The following WNK1 variants were observed in gnomAD, a reference collection of about 807,000 sequenced individuals.
The protein encoded by WNK1 is serine/threonine-protein kinase WNK1.
Under a neutral mutation model 222.8 loss-of-function variants are expected in WNK1, and 38 were observed. The ratio of observed to expected loss-of-function variants is 0.17; its 90% CI spans 0.13 to 0.22. The LOEUF (loss-of-function observed/expected upper bound fraction) is 0.22. Among genes scored for constraint, WNK1 ranks in the 10% least tolerant of loss-of-function variants. The pLI is 1.00. For missense variants in WNK1, 2,348 were observed against 2,918.4 expected, an observed-to-expected ratio of 0.80 and a Z score of 4.50; for synonymous variants, 1,090 against 1,092.9, an observed-to-expected ratio of 1.00 and a Z score of 0.05.
chr12:851,385 T>C (rs72648648), intron 4 of WNK1: 48 of 1,081,616 alleles, frequency 4.4e-5, no homozygotes, highest in Non-Finnish European at 5.2e-5. Context: ...AGGTGGAGCA[T>C]TGAGCAAGTA....
In WNK1 at chr12:753,168, G is replaced by A. The variant is rs1939449700; in HGVS notation, c.-398G>A. 6.1e-6 allele frequency: 1 copy of A among 164,208 alleles called. No individual in the cohort carries two copies. The highest frequency in any genetic ancestry group is 1.3e-5 in the Non-Finnish European group (1 of 76,100). The allele number at this position is 164,208 out of a possible 1,614,324, so 10.2% of individuals were successfully genotyped here. Reference sequence around the variant, plus strand: ...CCAGCTCGGCGAGCGGCGGCAGTGGGAGCCGCGTCCGCCGCATCCGCCTCG... The same window carrying A: ...CCAGCTCGGCGAGCGGCGGCAGTGGAAGCCGCGTCCGCCGCATCCGCCTCG... On this transcript the variant is annotated 5_prime_UTR_variant, in exon 1 of 28. Coordinates refer to ENST00000315939, the MANE Select transcript of WNK1 (RefSeq NM_018979.4). This position sits in a 1 kb window ranked among gnomAD's most constrained non-coding sequence, Gnocchi z 5.2.
rs965258370 is a variant in WNK1 at position 884,328 on chromosome 12, A to G, written c.3844+85A>G. ...AAGCTTAATCATAAAGCAGTAATTT[A>G]TGATGACACAGATAATAAAAAAGAA... On this transcript the variant is annotated intron_variant, in intron 18 of 27. Coordinates refer to ENST00000315939, the MANE Select transcript of WNK1 (RefSeq NM_018979.4). This position sits in a 1 kb window ranked among gnomAD's most constrained non-coding sequence, Gnocchi z 5.6. 3.2e-6 allele frequency: 5 copies of G among 1,576,202 alleles called. No individual in the cohort carries two copies. Among genetic ancestry groups the G allele is most frequent in the African/African-American group, 2.7e-5 (2 of 74,004 alleles).
intron 8 of WNK1, among the ~76,000 whole-genome samples, chr12:864,479 T>C (rs531097595): frequency 9.2e-5 from 14 of 152,292 alleles, no homozygotes; most frequent in African/African-American, 2.9e-4. Context: ...GTACAAAATA[T>C]TTCCTATATC....
intron 2 of WNK1, among the ~76,000 whole-genome samples, chr12:826,463 A>G (rs1053412834): frequency 2.0e-5 from 3 of 152,216 alleles, no homozygotes; most frequent in African/African-American, 7.2e-5. Flanking sequence ...TGTATTATAA[A>G]GAAGGAAACT....
chr12:807,138 T>G (rs2154001334), intron 1 of WNK1, among the ~76,000 whole-genome samples: 1 of 148,058 alleles, frequency 6.8e-6, no homozygotes, highest in African/African-American at 2.5e-5. Flanking sequence ...GTGTGGGGAG[T>G]GGGTGGGAAG....
intron 8 of WNK1, chr12:868,116 A>G (rs1392609455): frequency 6.2e-7 from 1 of 1,613,882 alleles, no homozygotes; most frequent in Non-Finnish European, 8.5e-7. Context: ...TGGACACCAG[A>G]GGCCGTAGTT....
rs1162765615 is a variant in WNK1 at position 865,231 on chromosome 12, T to TC, written c.2139+2964dup. On this transcript the variant is annotated intron_variant, in intron 8 of 27. Coordinates refer to ENST00000315939, the MANE Select transcript of WNK1 (RefSeq NM_018979.4). ...AGTACTGTCTGCACCTCTTTCTCCT[T>TC]CCCTCCTCCGGACTGCCCCGAGGAA... 7 of 1,535,908 alleles carry TC rather than the reference T, an allele frequency of 4.6e-6. No homozygotes were observed. The highest frequency in any genetic ancestry group is 6.1e-6 in the Non-Finnish European group (7 of 1,146,882).
chr12:779,276 T>A (rs1943433518), intron 1 of WNK1, among the ~76,000 whole-genome samples: 1 of 152,198 alleles, frequency 6.6e-6, no homozygotes, highest in Non-Finnish European at 1.5e-5. Flanking sequence ...AGATTTCGAA[T>A]TCCCTGTTGG....
intron 9 of WNK1, among the ~76,000 whole-genome samples, chr12:872,111 G>T (rs1226710281): frequency 6.6e-6 from 1 of 151,946 alleles, no homozygotes; most frequent in Non-Finnish European, 1.5e-5. Context: ...ATTACTTCAA[G>T]AACATTTATT....
intron 4 of WNK1, among the ~76,000 whole-genome samples, chr12:852,288 C>G (rs1370200005): frequency 6.6e-6 from 1 of 152,040 alleles, no homozygotes; most frequent in Non-Finnish European, 1.5e-5. Context: ...ATATCGGACT[C>G]TCAATGTGCT....
At chr12:825,708 C>T (rs1038051474) in intron 2 of WNK1, among the ~76,000 whole-genome samples, 1 of 152,004 alleles carries the variant, frequency 6.6e-6, no homozygotes, top group Non-Finnish European at 1.5e-5. Context: ...TCAGTAAAGA[C>T]ATAGAAATTA....
Position 850,485 on chromosome 12 carries a change from G to A in WNK1, c.1312-6676G>A, listed in dbSNP as rs1393855062. Among the ~76,000 whole-genome samples the A allele has an allele frequency of 6.6e-5, 10 of 152,220 alleles. No homozygotes were observed. In the East Asian group the frequency reaches 1.7e-3, roughly 26 times the overall value. ...TGGATATTAGCCCTTTGTCAGATGA[G>A]TAGATTGCAAAAATTTTCTCCCATT... On this transcript the variant is annotated intron_variant, in intron 4 of 27. Coordinates refer to ENST00000315939, the MANE Select transcript of WNK1 (RefSeq NM_018979.4).
Position 762,833 on chromosome 12 carries a change from G to T in WNK1, c.759+8509G>T, listed in dbSNP as rs761695503. On this transcript the variant is annotated intron_variant, in intron 1 of 27. Transcript: ENST00000315939. ...GCGATCTCGGCTCACCACAACATTT[G>T]CCTCCTGAGTTCAAGGGATTCTCCT... Among the ~76,000 whole-genome samples, 3 of 145,672 alleles carry T rather than the reference G, an allele frequency of 2.1e-5. 1 individual carries two copies. The highest frequency in any genetic ancestry group is 4.6e-5 in the Non-Finnish European group (3 of 65,370).
intron 26 of WNK1, among the ~76,000 whole-genome samples, chr12:902,095 C>T (rs771790958): frequency 5.3e-5 from 8 of 150,586 alleles, no homozygotes; most frequent in East Asian, 2.0e-4. Flanking sequence ...GCCAGGAGCT[C>T]GAGACCAACC....
chr12:864,110 G>GTTTCTTTTTTTTTTTT (rs1951426188), intron 8 of WNK1, among the ~76,000 whole-genome samples: 1 of 124,578 alleles, frequency 8.0e-6, no homozygotes, highest in African/African-American at 3.0e-5. Flanking sequence ...ATTTTTTTAA[G>GTTTCTTTTTTTTTTTT]TTTTTTTTTT....
At chr12:889,315 C>A in intron 21 of WNK1, 92 bp downstream of exon 21, 2 of 1,076,862 alleles carry the variant, frequency 1.9e-6, no homozygotes, top group Non-Finnish European at 2.9e-6. Context: ...TTATTAATAC[C>A]TTTAACATGT....
intron 1 of WNK1, among the ~76,000 whole-genome samples, chr12:804,885 A>G (rs1199788887): frequency 1.3e-5 from 1 of 78,058 alleles, no homozygotes; most frequent in Non-Finnish European, 2.8e-5. Context: ...ACCATGTGTC[A>G]AAATTTGGTA....
At chr12:877,191 G>A (rs57939606) in intron 9 of WNK1, among the ~76,000 whole-genome samples, 1 of 151,408 alleles carries the variant, frequency 6.6e-6, no homozygotes, top group Non-Finnish European at 1.5e-5. Flanking sequence ...AGCCTCCTGA[G>A]TAGCTGGGAT....
Position 909,961 on chromosome 12 carries a change from G to A in WNK1, c.*1169G>A, listed in dbSNP as rs549160638. 7 of 152,326 alleles carry A rather than the reference G, an allele frequency of 4.6e-5. No individual in the cohort carries two copies. Among genetic ancestry groups the A allele is most frequent in the South Asian group, 2.1e-4 (1 of 4,824 alleles). 9.4% of individuals were successfully genotyped at this position (152,326 alleles called of 1,614,324 possible). On this transcript the variant is annotated 3_prime_UTR_variant, in exon 28 of 28. Transcript: ENST00000315939. ...TCGGGAATAGTGAGGAGGGGGTGTTGTAACAAAATTGGACAACTTAAAAGA... is the reference window on the plus strand; with the variant it reads ...TCGGGAATAGTGAGGAGGGGGTGTTATAACAAAATTGGACAACTTAAAAGA...
Sources: allele counts gnomAD v4.1 joint callset (sites outside exome capture counted in the v4.1 genomes callset), GRCh38; gene constraint gnomAD v4.1.1; non-coding constraint Gnocchi (gnomAD v3.1); transcripts MANE v1.5; gene names NCBI Gene and HGNC (gene_info 2026-07-23, HGNC 2026-07-21).